Variants in TRAPPC8 observed in about 807,000 individuals in gnomAD.
TRAPPC8 encodes trafficking protein particle complex subunit 8.
TRAPPC8 carries 54 observed loss-of-function variants against 174.3 expected under a neutral mutation model. The observed-to-expected ratio is 0.31, with a 90% confidence interval of 0.25 to 0.39. The LOEUF is 0.39. Ranked by LOEUF, TRAPPC8 falls within the 10% of genes least tolerant of loss-of-function variation. TRAPPC8 has a pLI of 1.00. For synonymous variants in TRAPPC8, 630 were observed against 579.9 expected, an observed-to-expected ratio of 1.09 and a Z score of -1.24; for missense variants, 1,531 against 1,699.1, an observed-to-expected ratio of 0.90 and a Z score of 1.74.
chr18:31,853,947 T>C lies in TRAPPC8; in HGVS notation c.3337-2A>G. ...GAATTCCTTAACGCCTGCTTCACTC[T>C]GTCAAAAAAAAAGATAGGAGTCATT... On this transcript the variant is annotated splice_acceptor_variant, in intron 21 of 28. Coordinates refer to ENST00000283351, the MANE Select transcript of TRAPPC8 (RefSeq NM_014939.5). LOFTEE classifies it high-confidence loss of function. 1 of 1,599,294 alleles carries C rather than the reference T, an allele frequency of 6.3e-7. No homozygotes were observed. Among genetic ancestry groups the C allele is most frequent in the Non-Finnish European group, 8.5e-7 (1 of 1,175,670 alleles).
chr18:31,906,176 A>G (rs980199143), intron 9 of TRAPPC8, among the ~76,000 whole-genome samples: 7 of 69,386 alleles, frequency 1.0e-4, no homozygotes, highest in African/African-American at 1.8e-4. Context: ...TAAAAATACG[A>G]AAAAAAAAAA....
intron 2 of TRAPPC8, among the ~76,000 whole-genome samples, chr18:31,930,156 G>A (rs2037788835): frequency 6.7e-6 from 1 of 148,938 alleles, no homozygotes; most frequent in Non-Finnish European, 1.5e-5. Flanking sequence ...GTCTCGCTCT[G>A]TTGCCCAGGC....
At chr18:31,856,949 G>C (rs1260211819) in intron 20 of TRAPPC8, among the ~76,000 whole-genome samples, 1 of 150,840 alleles carries the variant, frequency 6.6e-6, no homozygotes, top group East Asian at 1.9e-4. Context: ...GTTATTCCTA[G>C]TTAATTTTGT....
chr18:31,915,091 A>G (rs1426531858), intron 4 of TRAPPC8, among the ~76,000 whole-genome samples: 1 of 152,232 alleles, frequency 6.6e-6, no homozygotes, highest in African/African-American at 2.4e-5. Flanking sequence ...AACAGCTATG[A>G]TCTACAGTTG....
chr18:31,877,680 T>C (rs919449291), intron 12 of TRAPPC8, among the ~76,000 whole-genome samples: 1 of 149,562 alleles, frequency 6.7e-6, no homozygotes, highest in Non-Finnish European at 1.5e-5. Context: ...CCCAGGCACT[T>C]TGGGAGGCCA....
chr18:31,864,259 A>T (rs1313449401), intron 19 of TRAPPC8, among the ~76,000 whole-genome samples: 1 of 151,802 alleles, frequency 6.6e-6, no homozygotes, highest in East Asian at 1.9e-4. Context: ...AAGAAGGTGA[A>T]ATACTGCTTT....
intron 4 of TRAPPC8, among the ~76,000 whole-genome samples, chr18:31,915,152 AG>A (rs1348879410): frequency 6.6e-6 from 1 of 152,258 alleles, no homozygotes; most frequent in East Asian, 1.9e-4. Context: ...TACATTAAAA[AG>A]AAAGTTTGGG....
rs766111814 is a variant in TRAPPC8, at chr18:31,839,321, T to C, written c.3974A>G (p.His1325Arg). 2 of 1,597,884 alleles carry C rather than the reference T, an allele frequency of 1.3e-6. No homozygotes were observed. Among genetic ancestry groups the C allele is most frequent in the Admixed American group, 1.8e-5 (1 of 56,868 alleles). The change falls in exon 27 of 29, where the codon CAT (histidine) becomes CGT (arginine). Residue 1325 changes from histidine (H) to arginine (R), a missense_variant. His to Arg is a conservative substitution (Grantham distance 29, BLOSUM62 0). Transcript: ENST00000283351. The part of the protein sequence containing the change: ...HYPESFNHPF[H>R]QKSLCLVPVT... The stretch of plus-strand genomic sequence containing the variant: ...AAAATAAAGCTCAAACCTTTTTTGA[T>C]GAAATGGATGATTAAATGATTCTGG...
intron 4 of TRAPPC8, among the ~76,000 whole-genome samples, chr18:31,914,945 C>A (rs1183661874): frequency 6.6e-6 from 1 of 151,918 alleles, no homozygotes; most frequent in Non-Finnish European, 1.5e-5. Context: ...AATATCAAGG[C>A]TATAAATATG....
At chr18:31,925,434 A>T (rs1335542022) in intron 2 of TRAPPC8, among the ~76,000 whole-genome samples, 1 of 152,170 alleles carries the variant, frequency 6.6e-6, no homozygotes, top group African/African-American at 2.4e-5. Context: ...AAGGATCAGA[A>T]GATAAAGTCA....
chr18:31,869,144 G>T (rs952853316), intron 16 of TRAPPC8, among the ~76,000 whole-genome samples: 1 of 151,916 alleles, frequency 6.6e-6, no homozygotes, highest in African/African-American at 2.4e-5. Context: ...TTACAGTCAG[G>T]TGGGTATTAA....
At chr18:31,880,107 ATATATATATATATATTTTT>A (rs2035362049) in intron 12 of TRAPPC8, among the ~76,000 whole-genome samples, 2 of 92,590 alleles carry the variant, frequency 2.2e-5, no homozygotes, top group South Asian at 7.9e-4. Flanking sequence ...ATATATATAT[ATATATATATATATATTTTT>A]TTTTTTTTAA....
In TRAPPC8 at chr18:31,864,173, C is replaced by T. The variant is rs555159040; in HGVS notation, c.2745+454G>A. 2.6e-5 allele frequency among the ~76,000 whole-genome samples: 4 copies of T among 151,312 alleles called. No individual in the cohort carries two copies. The East Asian group carries it at 7.7e-4, about 29-fold the overall frequency. On this transcript the variant is annotated intron_variant, in intron 19 of 28. Transcript: ENST00000283351. The stretch of plus-strand genomic sequence containing the variant: ...TTTCTCTGGCTATACTACCTAGCAA[C>T]AGGTTCTATCTTTTCCAAATTTTAA...
intron 20 of TRAPPC8, among the ~76,000 whole-genome samples, chr18:31,856,958 G>A (rs1185982754): frequency 6.6e-6 from 1 of 151,596 alleles, no homozygotes; most frequent in Non-Finnish European, 1.5e-5. Context: ...AGTTAATTTT[G>A]TAAAAATGAC....
At chr18:31,871,623 A>G (rs1036474100) in intron 14 of TRAPPC8, among the ~76,000 whole-genome samples, 2 of 152,144 alleles carry the variant, frequency 1.3e-5, no homozygotes, top group African/African-American at 2.4e-5. Context: ...ATTTTACCAC[A>G]TAAGTATATC....
intron 9 of TRAPPC8, 84 bp downstream of exon 9, chr18:31,907,376 A>C: frequency 7.4e-7 from 1 of 1,348,394 alleles, no homozygotes; most frequent in Non-Finnish European, 1.0e-6. Flanking sequence ...CTTTATCCCT[A>C]AGGATTCTGT....
At chr18:31,883,832 C>A (rs2035576216) in intron 12 of TRAPPC8, 1 of 152,178 alleles carries the variant, frequency 6.6e-6, no homozygotes, top group African/African-American at 2.4e-5. Flanking sequence ...CTGAAACAAG[C>A]AAGCATCTGC....
At chr18:31,891,557 T>C (rs1304225507) in intron 11 of TRAPPC8, among the ~76,000 whole-genome samples, 2 of 152,170 alleles carry the variant, frequency 1.3e-5, no homozygotes, top group Non-Finnish European at 2.9e-5. Context: ...ATTACGTCAC[T>C]GCCCTTAAGA....
chr18:31,907,461 A>G lies in TRAPPC8; in HGVS notation c.1388T>C (p.Leu463Ser). Residue 463 changes from leucine to serine, a missense_variant and splice_region_variant, in exon 9 of 29, where the codon TTG (leucine) becomes TCG (serine). Coordinates refer to ENST00000283351, the MANE Select transcript of TRAPPC8 (RefSeq NM_014939.5). ...DQAMLYAAGA[L>S]EMAAVSAFLQ... is the part of the protein sequence containing the mutation. ...ATTATAATACCATAGAATACCAACC[A>G]AGGCACCAGCTGCATAAAGCATTGC... The G allele has an allele frequency of 6.3e-7, 1 of 1,589,120 alleles. No individual in the cohort carries two copies. The highest frequency in any genetic ancestry group is 8.6e-7 in the Non-Finnish European group (1 of 1,166,428).
Sources: allele counts gnomAD v4.1 joint callset (sites outside exome capture counted in the v4.1 genomes callset), GRCh38; gene constraint gnomAD v4.1.1; transcripts MANE v1.5; gene names NCBI Gene and HGNC (gene_info 2026-07-23, HGNC 2026-07-21).